PITPNM2: variants seen among roughly 807,000 people sequenced by gnomAD.
PITPNM2 encodes phosphatidylinositol transfer protein membrane associated 2, also known as membrane-associated phosphatidylinositol transfer protein 2.
Under a neutral mutation model 132.2 loss-of-function variants are expected in PITPNM2, and 35 were observed. The observed-to-expected ratio is 0.26, with a 90% CI of 0.20 to 0.35. PITPNM2 has a LOEUF of 0.35. Ranked by LOEUF, PITPNM2 falls within the 10% of genes least tolerant of loss-of-function variation. The pLI, the probability that PITPNM2 is intolerant of heterozygous loss-of-function variation, is 1.00. For synonymous variants in PITPNM2, 738 were observed against 799.2 expected (o/e 0.92, Z 1.29); for missense variants, 1,332 against 1,912.0 (o/e 0.70, Z 5.66).
chr12:123,049,814 C>A (rs1394374612), intron 2 of PITPNM2, among the ~76,000 whole-genome samples: 1 of 152,216 alleles, frequency 6.6e-6, no homozygotes, highest in African/African-American at 2.4e-5. Flanking sequence ...AAAGATAACA[C>A]CTTTCATTTG....
chr12:123,061,515 C>T (rs967643117), intron 2 of PITPNM2, among the ~76,000 whole-genome samples: 4 of 152,236 alleles, frequency 2.6e-5, no homozygotes, highest in Non-Finnish European at 1.5e-5. Flanking sequence ...TGCACTATGG[C>T]ACGTCAGGCA....
At chr12:123,014,313 T>C (rs1294445275) in intron 3 of PITPNM2, among the ~76,000 whole-genome samples, 1 of 152,228 alleles carries the variant, frequency 6.6e-6, no homozygotes, top group African/African-American at 2.4e-5. Flanking sequence ...CTAAAAGCGT[T>C]CCCAAGATCA....
At chr12:123,116,491 A>G (rs1340327991) in intron 1 of PITPNM2, among the ~76,000 whole-genome samples, 2 of 151,930 alleles carry the variant, frequency 1.3e-5, no homozygotes, top group Non-Finnish European at 2.9e-5. Context: ...CTCTACAAAA[A>G]ATACAAAAAT....
intron 2 of PITPNM2, among the ~76,000 whole-genome samples, chr12:123,053,235 G>C (rs920261264): frequency 3.3e-5 from 5 of 151,932 alleles, no homozygotes; most frequent in African/African-American, 1.2e-4. Flanking sequence ...TTGAAAGCTG[G>C]GTTCAATAAT....
Position 122,995,577 on chromosome 12 carries a change from G to T in PITPNM2, c.1866C>A (p.Gly622=). 1 of 1,580,308 alleles carries T rather than the reference G, an allele frequency of 6.3e-7. No individual in the cohort carries two copies. ...CACTACTGCCACCACCACCACTGCT[G>T]CCACCACCGCCACCGCCGCCACCGC... ...GGGGGGGGGG[G]SSGGGGSSGG... Residue 622 remains glycine, a synonymous_variant, in exon 14 of 26, where the codon GGC becomes GGA. Transcript: ENST00000320201.
At chr12:123,081,723 G>A (rs2041969655) in intron 2 of PITPNM2, 1 of 152,254 alleles carries the variant, frequency 6.6e-6, no homozygotes, top group African/African-American at 2.4e-5. Context: ...CCTGAGAGGT[G>A]TCTCGGGAGC....
chr12:123,112,577 C>T (rs1025165756), intron 1 of PITPNM2, among the ~76,000 whole-genome samples: 11 of 144,794 alleles, frequency 7.6e-5, no homozygotes, highest in Non-Finnish European at 1.2e-4. Flanking sequence ...CTTGCTCTGT[C>T]ACCCAGGCTG....
In PITPNM2 at chr12:123,005,167, G is replaced by A. The variant is rs2038871570; in HGVS notation, c.952+73C>T. ...GGAAAGAACTCTGAGGAGGTGCAGTGATCCAGCAGTGTGTGGGGCTGCCTT... is the reference window on the plus strand; with the variant it reads ...GGAAAGAACTCTGAGGAGGTGCAGTAATCCAGCAGTGTGTGGGGCTGCCTT... On this transcript the variant is annotated intron_variant, in intron 7 of 25. Coordinates refer to ENST00000320201, the MANE Select transcript of PITPNM2 (RefSeq NM_020845.3). The surrounding 1 kb of genome is among the most constrained non-coding windows in gnomAD (Gnocchi z 6.2). 7 of 1,506,602 alleles carry A rather than the reference G, an allele frequency of 4.6e-6. No individual in the cohort carries two copies. The highest frequency in any genetic ancestry group is 6.3e-6 in the Non-Finnish European group (7 of 1,108,660). The allele number at this position is 1,506,602 out of a possible 1,614,324, so 93.3% of individuals were successfully genotyped here. A position where few individuals can be genotyped will look rare whatever the true frequency, so the allele number is the denominator to read the frequency against.
chr12:123,054,988 C>T (rs1049427830), intron 2 of PITPNM2, among the ~76,000 whole-genome samples: 5 of 151,934 alleles, frequency 3.3e-5, no homozygotes, highest in African/African-American at 9.7e-5. Flanking sequence ...CACTTGAATC[C>T]GGGAGCAGAG....
rs142578160 is a variant in PITPNM2 at position 123,115,326 on chromosome 12, C to T, written c.-199-4838G>A. On this transcript the variant is annotated intron_variant, in intron 1 of 25. Transcript: ENST00000320201. ...GAGGCAGCAGGGAAACCCTCAGAGA[C>T]GTTCAAAGTGGAGAGACCTCCAGTG... Among the ~76,000 whole-genome samples the T allele has an allele frequency of 4.6e-3, 698 of 152,228 alleles. 5 individuals are homozygous for T. The highest frequency in any genetic ancestry group is 7.3e-3 in the Non-Finnish European group (498 of 68,034).
chr12:123,098,646 G>A (rs1463689834), intron 2 of PITPNM2, among the ~76,000 whole-genome samples: 2 of 152,178 alleles, frequency 1.3e-5, no homozygotes, highest in Non-Finnish European at 1.5e-5. Flanking sequence ...AGGAGTTCAA[G>A]GCTGCAGTCA....
chr12:123,148,839 G>A (rs760880738), intron 1 of PITPNM2, among the ~76,000 whole-genome samples: 2 of 152,132 alleles, frequency 1.3e-5, no homozygotes, highest in Non-Finnish European at 2.9e-5. Flanking sequence ...TCAGACTAGG[G>A]TGGTTCGAAA....
In PITPNM2 at chr12:122,994,892, C is replaced by A. The variant is rs762729067; in HGVS notation, c.2142G>T (p.Arg714Ser). Reference protein sequence around the residue: ...TMLDGTGALGRFDFEITDLFL... With the variant: ...TMLDGTGALGSFDFEITDLFL... ...AGAGGTCGGTGATCTCAAAGTCAAA[C>A]CTGCCCAGGGCACCTGTGCCATCCA... Residue 714 changes from arginine to serine, a missense_variant, in exon 15 of 26, where the codon AGG (arginine) becomes AGT (serine). Physicochemically the swap from Arg to Ser is moderately radical, Grantham distance 110. Coordinates refer to ENST00000320201, the MANE Select transcript of PITPNM2 (RefSeq NM_020845.3). The surrounding 1 kb of genome is among the most constrained non-coding windows in gnomAD (Gnocchi z 5.4). 1.9e-6 allele frequency: 3 copies of A among 1,612,350 alleles called. No individual in the cohort carries two copies. In the South Asian group the frequency reaches 3.3e-5, roughly 18 times the overall value.
intron 2 of PITPNM2, among the ~76,000 whole-genome samples, chr12:123,053,099 G>A (rs1034218528): frequency 1.9e-4 from 29 of 151,944 alleles, no homozygotes; most frequent in African/African-American, 6.0e-4. Flanking sequence ...TGCAAGGGCT[G>A]GTCTCCAACT....
At chr12:123,018,005 T>TTCCC (rs1259714741) in intron 3 of PITPNM2, among the ~76,000 whole-genome samples, 3 of 135,490 alleles carry the variant, frequency 2.2e-5, no homozygotes, top group Non-Finnish European at 3.1e-5. Flanking sequence ...CCTTCCTTCC[T>TTCCC]TCCTTCCTTC....
chr12:123,120,139 C>A (rs2043008308), intron 1 of PITPNM2, among the ~76,000 whole-genome samples: 1 of 152,168 alleles, frequency 6.6e-6, no homozygotes. Flanking sequence ...CAAATATGAA[C>A]CCGCAGATTT....
intron 3 of PITPNM2, among the ~76,000 whole-genome samples, chr12:123,028,172 T>C (rs1276836812): frequency 6.6e-6 from 1 of 152,138 alleles, no homozygotes; most frequent in East Asian, 1.9e-4. Flanking sequence ...GGCCACTCCC[T>C]CGGCGGCACA....
intron 3 of PITPNM2, among the ~76,000 whole-genome samples, chr12:123,032,189 C>T (rs1328041466): frequency 1.3e-5 from 2 of 152,176 alleles, no homozygotes; most frequent in African/African-American, 4.8e-5. Context: ...TCAAAAAAAC[C>T]CTGAAGTGGC....
intron 2 of PITPNM2, among the ~76,000 whole-genome samples, chr12:123,062,820 T>C (rs777923353): frequency 2.6e-5 from 4 of 152,230 alleles, no homozygotes; most frequent in Non-Finnish European, 5.9e-5. Context: ...ATTGTGGATC[T>C]GCACATCAAT....
Sources: allele counts gnomAD v4.1 joint callset (sites outside exome capture counted in the v4.1 genomes callset), GRCh38; gene constraint gnomAD v4.1.1; non-coding constraint Gnocchi (gnomAD v3.1); transcripts MANE v1.5; gene names NCBI Gene and HGNC (gene_info 2026-07-23, HGNC 2026-07-21).